Variants in ATP2C2 observed in about 807,000 individuals in gnomAD.
ATP2C2 encodes calcium-transporting ATPase type 2C member 2.
In ATP2C2, 171 loss-of-function variants were observed where a neutral mutation model predicts 110.8. That is an observed-to-expected ratio of 1.54 (90% CI 1.36 to 1.75). The LOEUF (loss-of-function observed/expected upper bound fraction) is 1.75, where lower values mean the gene tolerates loss of function less well. ATP2C2 is among the 40% of genes most tolerant of loss of function. The pLI, the probability that ATP2C2 is intolerant of heterozygous loss-of-function variation, is 0.00. For missense variants in ATP2C2, 1,963 were observed against 1,235.0 expected (o/e 1.59, Z -8.84); for synonymous variants, 804 against 508.4 (o/e 1.58, Z -7.82).
chr16:84,396,853 G>T (rs1905016013), intron 1 of ATP2C2, among the ~76,000 whole-genome samples: 1 of 151,924 alleles, frequency 6.6e-6, no homozygotes, highest in African/African-American at 2.4e-5. Context: ...AATCGCTGCT[G>T]TGCTCCTGGG....
intron 11 of ATP2C2, among the ~76,000 whole-genome samples, chr16:84,428,986 C>CTA (rs1042201470): frequency 9.2e-5 from 14 of 152,108 alleles, no homozygotes; most frequent in Admixed American, 7.9e-4. Context: ...TGCCCAGGTT[C>CTA]TCGGTTTGTT....
chr16:84,400,095 T>C (rs1280005767), intron 2 of ATP2C2, among the ~76,000 whole-genome samples: 2 of 152,106 alleles, frequency 1.3e-5, no homozygotes, highest in African/African-American at 2.4e-5. Flanking sequence ...AATGACAGGA[T>C]CTCATTCTTT....
Position 84,460,667 on chromosome 16 carries a change from CCCGTTGACAAAGACG to C in ATP2C2, c.2350_2364del (p.Val784_Ala788del), listed in dbSNP as rs1911220331. 1 of 1,614,074 alleles carries C rather than the reference CCCGTTGACAAAGACG, an allele frequency of 6.2e-7. No homozygotes were observed. The highest frequency in any genetic ancestry group is 1.6e-4 in the Middle Eastern group (1 of 6,084). Reference sequence around the variant, plus strand: ...TGTTCGGAGCAGCTTGGGGGTAGAGCCCGTTGACAAAGACGCCTTCAGGCAGCCACCACGGAGTGT... The same window carrying C: ...TGTTCGGAGCAGCTTGGGGGTAGAGCCCTTCAGGCAGCCACCACGGAGTGT... On this transcript the variant is annotated inframe_deletion, in exon 24 of 27. Transcript: ENST00000262429.
intron 7 of ATP2C2, 140 bp from the exon 8 acceptor site, chr16:84,422,250 C>G: frequency 1.0e-6 from 1 of 986,800 alleles, no homozygotes; most frequent in Admixed American, 2.9e-5. Flanking sequence ...CCTCAGAGGC[C>G]GTCGTTGTGA....
intron 1 of ATP2C2, among the ~76,000 whole-genome samples, chr16:84,388,797 G>C (rs1477149843): frequency 2.6e-5 from 4 of 152,004 alleles, no homozygotes; most frequent in Non-Finnish European, 5.9e-5. Flanking sequence ...TTTTGAGATG[G>C]AGTCTCGCTC....
rs146968597 is a variant in ATP2C2, at chr16:84,384,945, A to T, written c.100-13554A>T. 4.3e-3 allele frequency among the ~76,000 whole-genome samples: 660 copies of T among 152,342 alleles called. 3 individuals carry two copies. The highest frequency in any genetic ancestry group is 6.7e-3 in the Non-Finnish European group (459 of 68,038). ...ATGCCTGTAATCCCAGCTACCTAGG[A>T]GGCTGAGGCAGGAGTATAGTTTGAA... On this transcript the variant is annotated intron_variant, in intron 1 of 26. Transcript: ENST00000262429.
At position 84,412,961 on chromosome 16, in the gene ATP2C2, T is replaced by C. The variant is rs186456853; in HGVS notation, c.515+2196T>C. ...AAATTAAAAAAAAATTAGCTGGGCA[T>C]GGTGGTGGGTGTCTGTAATCCCAGC... On this transcript the variant is annotated intron_variant, in intron 6 of 26. Coordinates refer to ENST00000262429, the MANE Select transcript of ATP2C2 (RefSeq NM_014861.4). Among the ~76,000 whole-genome samples the C allele has an allele frequency of 4.4e-3, 662 of 151,954 alleles. 4 individuals are homozygous for C. The highest frequency in any genetic ancestry group is 0.015 in the African/African-American group (631 of 41,406).
intron 1 of ATP2C2, among the ~76,000 whole-genome samples, chr16:84,379,780 G>T (rs1241756983): frequency 6.6e-6 from 1 of 152,182 alleles, no homozygotes; most frequent in East Asian, 1.9e-4. Flanking sequence ...CCTACTGGGT[G>T]GGGCTCATGT....
chr16:84,405,827 G>A (rs922322429), intron 3 of ATP2C2, among the ~76,000 whole-genome samples: 4 of 152,172 alleles, frequency 2.6e-5, no homozygotes, highest in Admixed American at 1.3e-4. Flanking sequence ...GGCTGAGGTG[G>A]GAGGATTGTT....
chr16:84,422,496 A>T lies in ATP2C2; in HGVS notation c.731A>T (p.Asn244Ile), dbSNP rs773298581. The T allele has an allele frequency of 8.7e-6, 14 of 1,614,028 alleles. No homozygotes were observed. Among genetic ancestry groups the T allele is most frequent in the Non-Finnish European group, 7.6e-6 (9 of 1,180,036 alleles). ...GGTGGGGACCTCACCACCCTCAGCAACATCGTCTTCATGGGGACCCTGGTG... is the reference window on the plus strand; with the variant it reads ...GGTGGGGACCTCACCACCCTCAGCATCATCGTCTTCATGGGGACCCTGGTG... ...TGGGDLTTLS[N>I]IVFMGTLVQY... The change falls in exon 8 of 27, where the codon AAC becomes ATC. Residue 244 changes from asparagine (N) to isoleucine (I), a missense_variant. Asn to Ile is a moderately radical substitution (Grantham distance 149). Coordinates refer to ENST00000262429, the MANE Select transcript of ATP2C2 (RefSeq NM_014861.4).
intron 2 of ATP2C2, among the ~76,000 whole-genome samples, chr16:84,399,038 G>A (rs55823133): frequency 0.025 from 3,880 of 152,318 alleles, 62 homozygotes; most frequent in Non-Finnish European, 0.04. Flanking sequence ...TTTATAATCC[G>A]TGGAGTTGCC....
At chr16:84,375,881 G>A (rs1045399225) in intron 1 of ATP2C2, among the ~76,000 whole-genome samples, 1 of 152,054 alleles carries the variant, frequency 6.6e-6, no homozygotes, top group Non-Finnish European at 1.5e-5. Flanking sequence ...GAAAAATAAA[G>A]AGGAAGTCTG....
chr16:84,394,415 G>A (rs1597752783), intron 1 of ATP2C2, among the ~76,000 whole-genome samples: 5 of 151,972 alleles, frequency 3.3e-5, no homozygotes, highest in African/African-American at 2.4e-5. Context: ...TGCCTGTCCC[G>A]GGCCTTTCCT....
chr16:84,410,010 C>T (rs1372071863), intron 4 of ATP2C2, among the ~76,000 whole-genome samples: 1 of 152,010 alleles, frequency 6.6e-6, no homozygotes, highest in Non-Finnish European at 1.5e-5. Flanking sequence ...AGATCGAGAC[C>T]ATCCTGGCCC....
intron 7 of ATP2C2, among the ~76,000 whole-genome samples, chr16:84,421,498 G>C (rs1400113568): frequency 1.3e-5 from 2 of 152,216 alleles, no homozygotes; most frequent in African/African-American, 2.4e-5. Flanking sequence ...GTTTGTGGAA[G>C]ATGGCTTCTC....
At chr16:84,435,094 C>G (rs1300186521) in intron 11 of ATP2C2, among the ~76,000 whole-genome samples, 1 of 152,210 alleles carries the variant, frequency 6.6e-6, no homozygotes, top group Non-Finnish European at 1.5e-5. Context: ...TGAAAGGTCA[C>G]CATTCACAAC....
intron 18 of ATP2C2, among the ~76,000 whole-genome samples, chr16:84,452,497 CTT>C (rs397816630): frequency 1.7e-5 from 2 of 118,332 alleles, no homozygotes. Context: ...CCTCTAGTTA[CTT>C]TTTTTTTTTT....
chr16:84,427,562 C>A (rs1335068199), intron 11 of ATP2C2, among the ~76,000 whole-genome samples: 2 of 152,046 alleles, frequency 1.3e-5, no homozygotes, highest in African/African-American at 4.8e-5. Context: ...ACTAAAAATA[C>A]AAAAATTAAC....
intron 1 of ATP2C2, among the ~76,000 whole-genome samples, chr16:84,393,525 G>T (rs1335494910): frequency 6.6e-6 from 1 of 152,200 alleles, no homozygotes; most frequent in African/African-American, 2.4e-5. Context: ...CGGTTGAGAA[G>T]TGGATAGGAA....
Sources: allele counts gnomAD v4.1 joint callset (sites outside exome capture counted in the v4.1 genomes callset), GRCh38; gene constraint gnomAD v4.1.1; transcripts MANE v1.5; gene names NCBI Gene and HGNC (gene_info 2026-07-23, HGNC 2026-07-21).